MYO16: variants seen among roughly 807,000 people sequenced by gnomAD.
The protein encoded by MYO16 is unconventional myosin-XVI.
Under a neutral mutation model 205.3 loss-of-function variants are expected in MYO16, and 94 were observed. The ratio of observed to expected loss-of-function variants is 0.46; its 90% CI spans 0.39 to 0.54. The LOEUF is 0.54. Ranked by LOEUF, MYO16 falls within the 20% of genes least tolerant of loss-of-function variation. The pLI is 0.00. For missense variants in MYO16, 2,315 were observed against 2,387.5 expected (o/e 0.97, Z 0.63); for synonymous variants, 988 against 954.0 (o/e 1.04, Z -0.66).
At chr13:108,606,191 A>G (rs1366758751) in intron 1 of MYO16, among the ~76,000 whole-genome samples, 1 of 152,216 alleles carries the variant, frequency 6.6e-6, no homozygotes, top group Non-Finnish European at 1.5e-5. Context: ...AGAAAAGAAA[A>G]ATCAATTTTC....
the MYO16 span, among the ~76,000 whole-genome samples, chr13:108,530,079 C>T: frequency 1.3e-5 from 2 of 152,222 alleles, no homozygotes; most frequent in African/African-American, 4.8e-5. Flanking sequence ...CCCAAGTGAG[C>T]TCAGTGCTGA....
At chr13:109,042,472 C>T (rs1031661914) in intron 23 of MYO16, among the ~76,000 whole-genome samples, 1 of 152,146 alleles carries the variant, frequency 6.6e-6, no homozygotes, top group Non-Finnish European at 1.5e-5. Flanking sequence ...GGAGGGAATA[C>T]TTGATTCCAA....
At chr13:108,889,980 G>A (rs1295517058) in intron 14 of MYO16, among the ~76,000 whole-genome samples, 2 of 152,050 alleles carry the variant, frequency 1.3e-5, no homozygotes, top group African/African-American at 2.4e-5. Flanking sequence ...CACACAGGCT[G>A]GAGTACAGTG....
chr13:109,003,315 A>C lies in MYO16; in HGVS notation c.2443-5582A>C, dbSNP rs537900087. Among the ~76,000 whole-genome samples, 7 of 152,312 alleles carry C rather than the reference A, an allele frequency of 4.6e-5. No homozygotes were observed. In the South Asian group the frequency reaches 1.5e-3, roughly 32 times the overall value. ...TACGGGATTTTAATAATTTACTTTA[A>C]AATTTTTTCCCCCAGAACACAAAGA... On this transcript the variant is annotated intron_variant, in intron 21 of 34. Coordinates refer to ENST00000457511, the MANE Select transcript of MYO16 (RefSeq NM_001198950.3).
At chr13:108,919,695 G>A (rs1881656335) in intron 16 of MYO16, among the ~76,000 whole-genome samples, 1 of 152,212 alleles carries the variant, frequency 6.6e-6, no homozygotes, top group East Asian at 1.9e-4. Context: ...TCAGTTAAAT[G>A]TCACAAACAT....
chr13:108,967,460 T>C lies in MYO16; in HGVS notation c.2369+2558T>C, dbSNP rs140619207. Among the ~76,000 whole-genome samples, 297 of 152,278 alleles carry C rather than the reference T, an allele frequency of 2.0e-3. 1 individual carries two copies. The highest frequency in any genetic ancestry group is 6.7e-3 in the African/African-American group (278 of 41,544). The stretch of plus-strand genomic sequence containing the variant: ...TGCGATTAATTAAAATGAGCAGAAG[T>C]GTTTGCCACGTTTGCTGGATCAGAA... On this transcript the variant is annotated intron_variant, in intron 20 of 34. Coordinates refer to ENST00000457511, the MANE Select transcript of MYO16 (RefSeq NM_001198950.3).
At position 109,140,954 on chromosome 13, in the gene MYO16, C is replaced by A. The variant is rs1306021286; in HGVS notation, c.4742C>A (p.Ala1581Glu). 5 of 1,512,984 alleles carry A rather than the reference C, an allele frequency of 3.3e-6. No individual in the cohort carries two copies. In the Admixed American group the frequency reaches 6.2e-5, roughly 19 times the overall value. 93.7% of individuals were successfully genotyped at this position (1,512,984 alleles called of 1,614,324 possible). A position where few individuals can be genotyped will look rare whatever the true frequency, so the allele number is the denominator to read the frequency against. ...GACAGGCCCGCGTCCCCCGGCCTGG[C>A]GCTGTTCAACGGGTCCGGCCGAGCC... ...DGDRPASPGL[A>E]LFNGSGRASP... is the part of the protein sequence containing the mutation. Residue 1581 changes from alanine to glutamate, a missense_variant, in exon 32 of 35, where the codon GCG becomes GAG. This residue lies in a region of MYO16 where 1,097 missense variants were observed against 1,092.0 expected (regional missense o/e 1.00). Transcript: ENST00000457511. The surrounding 1 kb of genome is among the most constrained non-coding windows in gnomAD (Gnocchi z 8.0).
At chr13:108,496,552 G>A in the MYO16 span, among the ~76,000 whole-genome samples, 4 of 152,198 alleles carry the variant, frequency 2.6e-5, no homozygotes, top group African/African-American at 9.7e-5. Context: ...CACCCGGGGG[G>A]CGTCGAGCCT....
intron 7 of MYO16, among the ~76,000 whole-genome samples, chr13:108,817,242 A>G (rs1054641005): frequency 2.6e-5 from 4 of 152,218 alleles, no homozygotes; most frequent in African/African-American, 9.6e-5. Context: ...ACATATGTCT[A>G]TAGTAGCCTT....
intron 3 of MYO16, among the ~76,000 whole-genome samples, chr13:108,724,849 T>C (rs1884285805): frequency 6.6e-6 from 1 of 152,028 alleles, no homozygotes; most frequent in Non-Finnish European, 1.5e-5. Flanking sequence ...CCTTATACTC[T>C]CTTGTGATTT....
At chr13:108,798,479 ATCT>A (rs1886859143) in intron 6 of MYO16, among the ~76,000 whole-genome samples, 1 of 152,148 alleles carries the variant, frequency 6.6e-6, no homozygotes, top group East Asian at 1.9e-4. Context: ...AGTTTACATT[ATCT>A]TCTTGTTAAA....
rs1379758230 is a variant in MYO16 at position 109,207,006 on chromosome 13, TTGTG to T, written c.*183_*186del. On this transcript the variant is annotated 3_prime_UTR_variant, in exon 35 of 35. Coordinates refer to ENST00000457511, the MANE Select transcript of MYO16 (RefSeq NM_001198950.3). ...AGATCCCGTGTGTGTGTGTGTGTGT[TTGTG>T]TGTGTGTGTGTGGGTTCTTTCTTAT... 3 of 283,054 alleles carry T rather than the reference TTGTG, an allele frequency of 1.1e-5. No homozygotes were observed. The highest frequency in any genetic ancestry group is 3.3e-5 in the East Asian group (1 of 30,260). 17.5% of individuals were successfully genotyped at this position (283,054 alleles called of 1,614,324 possible).
chr13:109,193,386 G>A (rs1880008930), intron 34 of MYO16, among the ~76,000 whole-genome samples: 1 of 152,094 alleles, frequency 6.6e-6, no homozygotes, highest in Non-Finnish European at 1.5e-5. Context: ...ACTGCATTTT[G>A]GAGTTGCTAA....
the MYO16 span, among the ~76,000 whole-genome samples, chr13:108,581,052 A>C: frequency 6.6e-6 from 1 of 152,202 alleles, no homozygotes; most frequent in Non-Finnish European, 1.5e-5. Context: ...ATGGTGATTT[A>C]ATTACATTAA....
At chr13:108,750,108 A>C (rs969214631) in intron 4 of MYO16, among the ~76,000 whole-genome samples, 2 of 152,244 alleles carry the variant, frequency 1.3e-5, no homozygotes, top group Admixed American at 6.5e-5. Context: ...GAGATCGAAG[A>C]GGAAAGGCGA....
Position 109,206,735 on chromosome 13 carries a change from G to A in MYO16, c.5542G>A (p.Val1848Met). Residue 1848 changes from valine to methionine, a missense_variant, in exon 35 of 35, where the codon GTG becomes ATG. Around this residue, in one of 3 missense-constraint regions of MYO16, gnomAD observed 1,097 missense variants for 1,092.0 expected, o/e 1.00. Coordinates refer to ENST00000457511, the MANE Select transcript of MYO16 (RefSeq NM_001198950.3). ...GATCCTGCACCACGCTGAGCCCAGG[G>A]TGCCTCCCCCACCACCTTGCAAGAA... Reference protein sequence around the residue: ...QQILHHAEPRVPPPPPCKKPS... With the variant: ...QQILHHAEPRMPPPPPCKKPS... The A allele has an allele frequency of 1.2e-6, 2 of 1,614,152 alleles. No homozygotes were observed. Among genetic ancestry groups the A allele is most frequent in the South Asian group, 1.1e-5 (1 of 91,084 alleles).
At chr13:108,496,123 T>TG in the MYO16 span, among the ~76,000 whole-genome samples, 1 of 151,964 alleles carries the variant, frequency 6.6e-6, no homozygotes, top group Non-Finnish European at 1.5e-5. Flanking sequence ...TGGACGCGTC[T>TG]GGGGGGCGTG....
chr13:108,606,344 A>T (rs1318219590), intron 1 of MYO16, among the ~76,000 whole-genome samples: 2 of 152,130 alleles, frequency 1.3e-5, no homozygotes, highest in Non-Finnish European at 2.9e-5. Flanking sequence ...GAGGCCTAGG[A>T]GGGAAAAATG....
chr13:108,883,877 A>G (rs1594368255), intron 13 of MYO16, among the ~76,000 whole-genome samples: 1 of 152,202 alleles, frequency 6.6e-6, no homozygotes, highest in African/African-American at 2.4e-5. Context: ...CTCTTGTCAC[A>G]GCCTCTCAAA....
Sources: gnomAD v4.1 joint callset for allele counts (sites outside exome capture counted in the v4.1 genomes callset) on GRCh38, gnomAD v4.1.1 for gene constraint, gnomAD v4.1.1 regional missense constraint, Gnocchi (gnomAD v3.1) non-coding constraint, MANE v1.5 for transcripts, NCBI Gene and HGNC (gene_info 2026-07-23, HGNC 2026-07-21) for gene names.